Variants in RIN3 observed in about 807,000 individuals in gnomAD.
RIN3 encodes the protein Ras and Rab interactor 3, also known as RAB5 interacting protein 3.
A neutral mutation model predicts 76.3 loss-of-function variants in RIN3; 54 were observed. The observed-to-expected ratio is 0.71, with a 90% confidence interval of 0.57 to 0.89. RIN3 has a LOEUF of 0.89. RIN3 is among the 40% of genes least tolerant of loss of function. The pLI is 0.00. For synonymous variants in RIN3, 576 were observed against 564.0 expected (o/e 1.02, Z -0.30); for missense variants, 1,256 against 1,322.1 (o/e 0.95, Z 0.78).
chr14:92,576,898 GCCT>G (rs1393528863), intron 2 of RIN3, among the ~76,000 whole-genome samples: 1 of 152,112 alleles, frequency 6.6e-6, no homozygotes, highest in Non-Finnish European at 1.5e-5. Flanking sequence ...GTTTCCAGCA[GCCT>G]CCCCCAGAGT....
rs552003005 is a variant in RIN3 at position 92,613,705 on chromosome 14, C to T, written c.368-1702C>T. Among the ~76,000 whole-genome samples the T allele has an allele frequency of 5.9e-5, 9 of 152,214 alleles. No individual in the cohort carries two copies. In the South Asian group the frequency reaches 1.9e-3, roughly 32 times the overall value. On this transcript the variant is annotated intron_variant, in intron 3 of 9. Coordinates refer to ENST00000216487, the MANE Select transcript of RIN3 (RefSeq NM_024832.5). Reference sequence around the variant, plus strand: ...CCCTTTACAGGTGGAAGGACAGAGGCACTGAGGGGGGAAAGGGCACGCTCT... The same window carrying T: ...CCCTTTACAGGTGGAAGGACAGAGGTACTGAGGGGGGAAAGGGCACGCTCT...
Position 92,651,959 on chromosome 14 carries a change from G to GC in RIN3, c.915dup (p.Ala306ArgfsTer118). The GC allele has an allele frequency of 7.5e-6, 11 of 1,470,136 alleles. No individual in the cohort carries two copies. The highest frequency in any genetic ancestry group is 4.9e-5 in the South Asian group (4 of 81,562). 91.1% of individuals were successfully genotyped at this position (1,470,136 alleles called of 1,614,324 possible). A position where few individuals can be genotyped will look rare whatever the true frequency, so the allele number is the denominator to read the frequency against. On this transcript the variant is annotated frameshift_variant, in exon 6 of 10. Transcript: ENST00000216487. LOFTEE classifies it high-confidence loss of function. ...CCAGCCCCCTGTGCTCCCTGCTCTT[G>GC]CCCCCGCCCCTGCCTGTCCTTTGCC... is the stretch of plus-strand genomic sequence containing the variant.
intron 3 of RIN3, among the ~76,000 whole-genome samples, chr14:92,597,262 T>C (rs1227954294): frequency 2.0e-5 from 3 of 152,208 alleles, no homozygotes; most frequent in East Asian, 3.8e-4. Flanking sequence ...CAGGGCATGA[T>C]AGGACACGTG....
chr14:92,632,724 A>G (rs1198858217), intron 4 of RIN3, among the ~76,000 whole-genome samples: 3 of 151,878 alleles, frequency 2.0e-5, no homozygotes, highest in Admixed American at 6.6e-5. Flanking sequence ...CCCTCCACAT[A>G]TGGGAGACTT....
At chr14:92,577,655 A>G (rs528902019) in intron 3 of RIN3, among the ~76,000 whole-genome samples, 178 bp downstream of exon 3, 3 of 152,316 alleles carry the variant, frequency 2.0e-5, no homozygotes, top group Admixed American at 6.5e-5. Flanking sequence ...TCAGTTCATC[A>G]TCCAAAGTCA....
At position 92,568,522 on chromosome 14, in the gene RIN3, A is replaced by G. The variant is rs2140049083; in HGVS notation, c.250-8838A>G. Among the ~76,000 whole-genome samples the G allele has an allele frequency of 6.6e-6, 1 of 152,320 alleles. No individual in the cohort carries two copies. The highest frequency in any genetic ancestry group is 2.1e-4 in the South Asian group (1 of 4,832). ...AGTCTCCATGACTAGCTCAGCAGCT[A>G]AACCTCCCCAGAGAGGAACAGAACA... On this transcript the variant is annotated intron_variant, in intron 2 of 9. Coordinates refer to ENST00000216487, the MANE Select transcript of RIN3 (RefSeq NM_024832.5). This position sits in a 1 kb window ranked among gnomAD's most constrained non-coding sequence, Gnocchi z 4.2.
intron 4 of RIN3, among the ~76,000 whole-genome samples, chr14:92,624,031 T>C (rs969673504): frequency 3.9e-5 from 6 of 152,156 alleles, no homozygotes; most frequent in Admixed American, 1.3e-4. Context: ...ACCATCCAAG[T>C]GGAAAGGGGA....
chr14:92,548,667 G>T (rs2140027063), intron 1 of RIN3, among the ~76,000 whole-genome samples: 1 of 152,158 alleles, frequency 6.6e-6, no homozygotes, highest in South Asian at 2.1e-4. Context: ...CCTTCACACG[G>T]ACCTCATCTG....
At chr14:92,629,829 G>T (rs1886501920) in intron 4 of RIN3, among the ~76,000 whole-genome samples, 2 of 152,242 alleles carry the variant, frequency 1.3e-5, no homozygotes, top group Admixed American at 1.3e-4. Flanking sequence ...GCAGGGCAGG[G>T]TTTCAAACCA....
At position 92,583,698 on chromosome 14, in the gene RIN3, G is replaced by A. The variant is rs554743729; in HGVS notation, c.367+6221G>A. ...ATGATTTAAAGCAGAGCTCCCCAAC[G>A]TTTTTGGCACCAGCTTCATCCATGT... On this transcript the variant is annotated intron_variant, in intron 3 of 9. Transcript: ENST00000216487. Among the ~76,000 whole-genome samples, 9 of 152,294 alleles carry A rather than the reference G, an allele frequency of 5.9e-5. No individual in the cohort carries two copies. In the East Asian group the frequency reaches 1.5e-3, roughly 26 times the overall value.
intron 4 of RIN3, chr14:92,615,821 C>T: frequency 3.8e-6 from 1 of 263,770 alleles, no homozygotes; most frequent in East Asian, 8.9e-5. Flanking sequence ...GTAGGGGCAG[C>T]AACAGGGGCT....
intron 3 of RIN3, among the ~76,000 whole-genome samples, chr14:92,580,579 A>G (rs1319204008): frequency 6.6e-6 from 1 of 152,280 alleles, no homozygotes; most frequent in African/African-American, 2.4e-5. Flanking sequence ...AGCTACTGCA[A>G]GAACCAGCAT....
rs1595513310 is a variant in RIN3, at chr14:92,687,577, G to T, written c.2632-349G>T. 1.2e-5 allele frequency: 4 copies of T among 329,438 alleles called. 1 individual carries two copies. The South Asian group carries it at 1.5e-4, about 13-fold the overall frequency. The allele number at this position is 329,438 out of a possible 1,614,324, so 20.4% of individuals were successfully genotyped here. ...CCCTCCGTGCCCAGCATTGCGCCTG[G>T]GGTGCAGGGAACTCACCTGGAGGGA... On this transcript the variant is annotated intron_variant, in intron 9 of 9. Coordinates refer to ENST00000216487, the MANE Select transcript of RIN3 (RefSeq NM_024832.5).
intron 5 of RIN3, among the ~76,000 whole-genome samples, 187 bp from the exon 6 acceptor site, chr14:92,651,395 G>A (rs916576617): frequency 2.0e-5 from 3 of 152,044 alleles, no homozygotes; most frequent in Non-Finnish European, 2.9e-5. Context: ...TTCCCCTCTC[G>A]AGGCAGGAAG....
chr14:92,642,998 G>T (rs1193906703), intron 5 of RIN3, among the ~76,000 whole-genome samples: 1 of 152,174 alleles, frequency 6.6e-6, no homozygotes, highest in Non-Finnish European at 1.5e-5. Flanking sequence ...ACATGGCAGA[G>T]CTTGGATGAA....
chr14:92,584,643 T>C (rs1476406876), intron 3 of RIN3, among the ~76,000 whole-genome samples: 1 of 151,858 alleles, frequency 6.6e-6, no homozygotes, highest in East Asian at 1.9e-4. Flanking sequence ...AGAAGAGGCA[T>C]GGGGGCAGGG....
chr14:92,619,884 A>G lies in RIN3; in HGVS notation c.440+4405A>G, dbSNP rs531431000. Among the ~76,000 whole-genome samples, 115 of 152,296 alleles carry G rather than the reference A, an allele frequency of 7.6e-4. 2 individuals are homozygous for G. The highest frequency in any genetic ancestry group is 5.2e-3 in the Admixed American group (79 of 15,302). ...AGCTGGAAAGCAGGCAAGTTAAACAATTTTCGAAAGGCAAAGAAGCAACTT... is the reference window on the plus strand; with the variant it reads ...AGCTGGAAAGCAGGCAAGTTAAACAGTTTTCGAAAGGCAAAGAAGCAACTT... On this transcript the variant is annotated intron_variant, in intron 4 of 9. Coordinates refer to ENST00000216487, the MANE Select transcript of RIN3 (RefSeq NM_024832.5).
intron 7 of RIN3, among the ~76,000 whole-genome samples, chr14:92,674,525 C>A (rs538136383): frequency 6.6e-6 from 1 of 151,946 alleles, no homozygotes; most frequent in Admixed American, 6.6e-5. Context: ...ATTGCTTGAG[C>A]CCAGGAAGTC....
intron 5 of RIN3, among the ~76,000 whole-genome samples, chr14:92,642,622 G>A (rs906051122): frequency 6.6e-6 from 1 of 152,178 alleles, no homozygotes; most frequent in Non-Finnish European, 1.5e-5. Context: ...TGATGGAATG[G>A]AAGAAACAGT....
Sources: gnomAD v4.1 joint callset for allele counts (sites outside exome capture counted in the v4.1 genomes callset) on GRCh38, gnomAD v4.1.1 for gene constraint, Gnocchi (gnomAD v3.1) non-coding constraint, MANE v1.5 for transcripts, NCBI Gene and HGNC (gene_info 2026-07-23, HGNC 2026-07-21) for gene names.